Variants in PPARGC1B observed in about 807,000 individuals in gnomAD.
The protein encoded by PPARGC1B is peroxisome proliferator-activated receptor gamma coactivator 1-beta.
In PPARGC1B, 34 loss-of-function variants were observed where a neutral mutation model predicts 101.6. The observed-to-expected ratio is 0.33, with a 90% CI of 0.25 to 0.45. The LOEUF (loss-of-function observed/expected upper bound fraction) is 0.45. PPARGC1B is among the 20% of genes least tolerant of loss of function. PPARGC1B has a pLI of 1.00. For synonymous variants in PPARGC1B, 548 were observed against 539.3 expected, an observed-to-expected ratio of 1.02 and a Z score of -0.22; for missense variants, 1,234 against 1,317.6, an observed-to-expected ratio of 0.94 and a Z score of 0.98.
At position 149,792,299 on chromosome 5, in the gene PPARGC1B, G is replaced by C. The variant is rs534873299; in HGVS notation, c.79-28134G>C. Among the ~76,000 whole-genome samples the C allele has an allele frequency of 3.9e-5, 6 of 152,320 alleles. No homozygotes were observed. In the South Asian group the frequency reaches 1.2e-3, roughly 32 times the overall value. ...CCAGGGGAGACTTCGGAATTTTCTA[G>C]TCAGCATGGAGCATGGCAGAAATTT... On this transcript the variant is annotated intron_variant, in intron 1 of 11. Coordinates refer to ENST00000309241, the MANE Select transcript of PPARGC1B (RefSeq NM_133263.4).
At chr5:149,760,274 A>G (rs1755671704) in intron 1 of PPARGC1B, among the ~76,000 whole-genome samples, 1 of 152,114 alleles carries the variant, frequency 6.6e-6, no homozygotes, top group African/African-American at 2.4e-5. Flanking sequence ...CCTGGGAAGA[A>G]TTGTTGTGGT....
At chr5:149,798,509 G>A (rs1374960897) in intron 1 of PPARGC1B, among the ~76,000 whole-genome samples, 1 of 152,196 alleles carries the variant, frequency 6.6e-6, no homozygotes, top group Non-Finnish European at 1.5e-5. Context: ...TGTGATCAGA[G>A]ATAGAGAAGC....
In PPARGC1B at chr5:149,847,852, C is replaced by T. The variant is rs1013752003; in HGVS notation, c.*294C>T. 10 of 418,244 alleles carry T rather than the reference C, an allele frequency of 2.4e-5. No homozygotes were observed. The South Asian group carries it at 2.8e-4, about 12-fold the overall frequency. The allele number at this position is 418,244 out of a possible 1,614,324, so 25.9% of individuals were successfully genotyped here. On this transcript the variant is annotated 3_prime_UTR_variant, in exon 12 of 12. Coordinates refer to ENST00000309241, the MANE Select transcript of PPARGC1B (RefSeq NM_133263.4). Reference sequence around the variant, plus strand: ...TCGAAGTGCCGGGTCCGTCACCCATCGCCCCTTCCTTCCCGACTGACTTCC... The same window carrying T: ...TCGAAGTGCCGGGTCCGTCACCCATTGCCCCTTCCTTCCCGACTGACTTCC...
intron 1 of PPARGC1B, among the ~76,000 whole-genome samples, chr5:149,766,982 C>T (rs1302978764): frequency 6.6e-6 from 1 of 152,188 alleles, no homozygotes; most frequent in Admixed American, 6.5e-5. Flanking sequence ...CAAGTTGGTT[C>T]AGCTGACGAG....
intron 1 of PPARGC1B, among the ~76,000 whole-genome samples, chr5:149,756,041 T>C (rs1755509613): frequency 6.6e-6 from 1 of 151,934 alleles, no homozygotes; most frequent in African/African-American, 2.4e-5. Context: ...TTGTTTGACC[T>C]TGGGCATGTG....
At chr5:149,769,848 C>G (rs1398578715) in intron 1 of PPARGC1B, among the ~76,000 whole-genome samples, 1 of 152,186 alleles carries the variant, frequency 6.6e-6, no homozygotes, top group East Asian at 1.9e-4. Context: ...CTGACCCTGA[C>G]CCTGACCCTT....
intron 1 of PPARGC1B, among the ~76,000 whole-genome samples, chr5:149,744,835 AAC>A (rs1432447860): frequency 6.6e-6 from 1 of 152,168 alleles, no homozygotes; most frequent in Non-Finnish European, 1.5e-5. Flanking sequence ...GGCCTCAAGA[AAC>A]AGTGGCACTT....
chr5:149,769,913 G>A lies in PPARGC1B; in HGVS notation c.78+39493G>A, dbSNP rs114597095. Among the ~76,000 whole-genome samples, 895 of 152,256 alleles carry A rather than the reference G, an allele frequency of 5.9e-3. 6 individuals carry two copies. The highest frequency in any genetic ancestry group is 0.021 in the African/African-American group (866 of 41,526). On this transcript the variant is annotated intron_variant, in intron 1 of 11. Coordinates refer to ENST00000309241, the MANE Select transcript of PPARGC1B (RefSeq NM_133263.4). ...CACACTAGGCCCACCCAGGTCATCC[G>A]GGGTTATCTCCCATCTCCGTATTCT... is the stretch of plus-strand genomic sequence containing the variant.
chr5:149,811,498 G>A lies in PPARGC1B; in HGVS notation c.79-8935G>A, dbSNP rs1228858634. ...AGTGAAATTTTGTAATTACACTATC[G>A]AGTGGGTTTGGGAAGAAACAGCTGA... On this transcript the variant is annotated intron_variant, in intron 1 of 11. Coordinates refer to ENST00000309241, the MANE Select transcript of PPARGC1B (RefSeq NM_133263.4). 3.3e-5 allele frequency among the ~76,000 whole-genome samples: 5 copies of A among 152,174 alleles called. No homozygotes were observed. The East Asian group carries it at 7.7e-4, about 23-fold the overall frequency.
intron 8 of PPARGC1B, among the ~76,000 whole-genome samples, chr5:149,838,322 GT>G (rs1393719399): frequency 6.6e-6 from 1 of 152,070 alleles, no homozygotes; most frequent in East Asian, 1.9e-4. Context: ...TAAATTTTTT[GT>G]TCCTCAAAGT....
At chr5:149,840,914 C>T (rs1001192737) in intron 9 of PPARGC1B, among the ~76,000 whole-genome samples, 3 of 152,150 alleles carry the variant, frequency 2.0e-5, no homozygotes, top group Non-Finnish European at 4.4e-5. Flanking sequence ...CAGCTGTCTG[C>T]ACACAGGTCC....
intron 5 of PPARGC1B, among the ~76,000 whole-genome samples, 199 bp from the exon 6 acceptor site, chr5:149,834,475 C>T (rs538207923): frequency 2.0e-5 from 3 of 152,312 alleles, no homozygotes; most frequent in East Asian, 1.9e-4. Context: ...AAAATCAAGT[C>T]GCTCTCCCAG....
chr5:149,744,814 A>T (rs1755030161), intron 1 of PPARGC1B, among the ~76,000 whole-genome samples: 1 of 152,208 alleles, frequency 6.6e-6, no homozygotes, highest in African/African-American at 2.4e-5. Context: ...GGCATTAGAT[A>T]AGTGCTGATT....
In PPARGC1B at chr5:149,850,391, A is replaced by G. The variant is rs1025439323; in HGVS notation, c.*2833A>G. 5 of 152,184 alleles carry G rather than the reference A, an allele frequency of 3.3e-5. No individual in the cohort carries two copies. Among genetic ancestry groups the G allele is most frequent in the African/African-American group, 1.2e-4 (5 of 41,448 alleles). 9.4% of individuals were successfully genotyped at this position (152,184 alleles called of 1,614,324 possible). ...ACGTTGGCCCTTGAGCAGAGACCTG[A>G]GCGTGGCATTGGGACATGACATACC... On this transcript the variant is annotated 3_prime_UTR_variant, in exon 12 of 12. Coordinates refer to ENST00000309241, the MANE Select transcript of PPARGC1B (RefSeq NM_133263.4).
chr5:149,821,742 C>T (rs962899872), intron 2 of PPARGC1B, among the ~76,000 whole-genome samples: 4 of 152,112 alleles, frequency 2.6e-5, no homozygotes, highest in African/African-American at 4.8e-5. Context: ...TGTGTTCATC[C>T]GAGGACTTTA....
At chr5:149,846,047 G>A in intron 11 of PPARGC1B, 133 bp downstream of exon 11, 1 of 1,068,506 alleles carries the variant, frequency 9.4e-7, no homozygotes, top group Non-Finnish European at 1.4e-6. Context: ...GTGCTGCTTG[G>A]TATAACTTTG....
intron 7 of PPARGC1B, 31 bp downstream of exon 7, chr5:149,835,396 C>T: frequency 6.2e-7 from 1 of 1,601,794 alleles, no homozygotes. Flanking sequence ...TGGCAGGTGC[C>T]TTCAGGAAAA....
At chr5:149,792,509 A>T (rs1757057420) in intron 1 of PPARGC1B, among the ~76,000 whole-genome samples, 1 of 152,162 alleles carries the variant, frequency 6.6e-6, no homozygotes, top group Non-Finnish European at 1.5e-5. Context: ...CAGATTCTTG[A>T]TTTCATTTAA....
At position 149,832,637 on chromosome 5, in the gene PPARGC1B, G is replaced by A; in HGVS notation, c.583-19G>A. The A allele has an allele frequency of 2.0e-6, 3 of 1,513,964 alleles. No individual in the cohort carries two copies. Among genetic ancestry groups the A allele is most frequent in the Non-Finnish European group, 1.8e-6 (2 of 1,128,204 alleles). The allele number at this position is 1,513,964 out of a possible 1,614,324, so 93.8% of individuals were successfully genotyped here. The stretch of plus-strand genomic sequence containing the variant: ...GTGTTTGGGCCTCCTTCCTCACTCT[G>A]GCCTCTCTCCCTCTCTAGGCGGACA... On this transcript the variant is annotated intron_variant, in intron 4 of 11. Transcript: ENST00000309241. This position sits in a 1 kb window ranked among gnomAD's most constrained non-coding sequence, Gnocchi z 4.9.
Sources: allele counts gnomAD v4.1 joint callset (sites outside exome capture counted in the v4.1 genomes callset), GRCh38; gene constraint gnomAD v4.1.1; non-coding constraint Gnocchi (gnomAD v3.1); transcripts MANE v1.5; gene names NCBI Gene and HGNC (gene_info 2026-07-23, HGNC 2026-07-21).